The following HEXA variants were observed in gnomAD, a reference collection of about 807,000 sequenced individuals.
HEXA encodes beta-hexosaminidase subunit alpha.
HEXA carries 54 observed loss-of-function variants against 73.3 expected under a neutral mutation model. The ratio of observed to expected loss-of-function variants is 0.74; its 90% CI spans 0.59 to 0.92. The LOEUF is 0.92. HEXA is among the 40% of genes least tolerant of loss of function. The pLI is 0.00. For synonymous variants in HEXA, 230 were observed against 246.9 expected (o/e 0.93, Z 0.64); for missense variants, 649 against 653.0 (o/e 0.99, Z 0.07).
intron 1 of HEXA, chr15:72,370,078 C>A (rs1360935191): frequency 7.3e-6 from 1 of 137,266 alleles, no homozygotes; most frequent in African/African-American, 2.7e-5. Flanking sequence ...TCGGAAATGT[C>A]TGGAAGGCAG....
At chr15:72,356,808 C>T (rs1173354970) in intron 1 of HEXA, 191 bp from the exon 2 acceptor site, 1 of 787,386 alleles carries the variant, frequency 1.3e-6, no homozygotes, top group Non-Finnish European at 2.1e-6. Flanking sequence ...CCCCTCTTCT[C>T]CTCAGTAGCT....
At chr15:72,365,642 A>T (rs1043202860) in intron 1 of HEXA, among the ~76,000 whole-genome samples, 5 of 152,104 alleles carry the variant, frequency 3.3e-5, no homozygotes, top group Admixed American at 6.5e-5. Flanking sequence ...TTATCTTCAG[A>T]TCTTTAATCT....
At chr15:72,362,062 A>C (rs995152026) in intron 1 of HEXA, among the ~76,000 whole-genome samples, 8 of 152,232 alleles carry the variant, frequency 5.3e-5, no homozygotes, top group Non-Finnish European at 1.0e-4. Context: ...AATCATAAGA[A>C]AATGCCTTGT....
At chr15:72,356,803 C>A (rs1376674070) in intron 1 of HEXA, 186 bp from the exon 2 acceptor site, 12 of 830,966 alleles carry the variant, frequency 1.4e-5, no homozygotes, top group East Asian at 2.7e-5. Flanking sequence ...TTGTGCCCCT[C>A]TTCTCCTCAG....
intron 1 of HEXA, chr15:72,359,693 CAAAAAAAA>C (rs71133986): frequency 5.1e-4 from 9 of 17,572 alleles, no homozygotes; most frequent in African/African-American, 2.0e-3. Context: ...GAAACTGTCT[CAAAAAAAA>C]AAAAAAAAAA....
chr15:72,362,310 A>T (rs1323490231), intron 1 of HEXA: 1 of 340,320 alleles, frequency 2.9e-6, no homozygotes, highest in Non-Finnish European at 5.9e-6. Context: ...ATCATGCAGC[A>T]ATGTATACAT....
At chr15:72,367,608 G>T (rs1279813448) in intron 1 of HEXA, among the ~76,000 whole-genome samples, 1 of 152,140 alleles carries the variant, frequency 6.6e-6, no homozygotes, top group Non-Finnish European at 1.5e-5. Context: ...GACTTTACTG[G>T]CCTTCTTTGA....
At chr15:72,362,392 T>A in intron 1 of HEXA, 1 of 451,998 alleles carries the variant, frequency 2.2e-6, no homozygotes, top group South Asian at 1.6e-5. Flanking sequence ...TGTGAGTTCC[T>A]CAACAGGAGG....
chr15:72,349,215 A>G lies in HEXA; in HGVS notation c.850T>C (p.Ser284Pro). The G allele has an allele frequency of 6.2e-7, 1 of 1,614,172 alleles. No homozygotes were observed. Among genetic ancestry groups the G allele is most frequent in the Non-Finnish European group, 8.5e-7 (1 of 1,179,998 alleles). Residue 284 changes from serine (S) to proline (P), a missense_variant, in exon 8 of 14, where the codon TCT (serine) becomes CCT (proline). By Grantham distance (74) the Ser-to-Pro change is moderately conservative (BLOSUM62 -1). Transcript: ENST00000268097. Reference protein sequence around the residue: ...LTPCYSGSEPSGTFGPVNPSL... With the variant: ...LTPCYSGSEPPGTFGPVNPSL... ...GGATTCACTGGTCCAAAGGTGCCAG[A>G]GGGCTCAGACCCAGAGTAGCAAGGA...
intron 1 of HEXA, among the ~76,000 whole-genome samples, chr15:72,371,404 C>T (rs1452885819): frequency 6.6e-6 from 1 of 151,910 alleles, no homozygotes; most frequent in Non-Finnish European, 1.5e-5. Context: ...CCCAGGGGTT[C>T]GAGACCAGCT....
chr15:72,374,299 ACT>A (rs2089030361), intron 1 of HEXA, among the ~76,000 whole-genome samples: 1 of 151,938 alleles, frequency 6.6e-6, no homozygotes, highest in South Asian at 2.1e-4. Flanking sequence ...TGGGTAAGGC[ACT>A]CTATTATTTG....
At chr15:72,370,384 G>A in intron 1 of HEXA, 2 of 371,030 alleles carry the variant, frequency 5.4e-6, no homozygotes, top group South Asian at 1.5e-4. Context: ...ACTATACAGG[G>A]ATACTAGAAA....
At chr15:72,348,311 G>A (rs562031627) in intron 8 of HEXA, among the ~76,000 whole-genome samples, 177 bp from the exon 9 acceptor site, 171 of 152,290 alleles carry the variant, frequency 1.1e-3, no homozygotes, top group African/African-American at 3.9e-3. Flanking sequence ...TGAAGCAGGT[G>A]GGCTGTTGAC....
In HEXA at chr15:72,375,832, C is replaced by G; in HGVS notation, c.141G>C (p.Gln47His). 2 of 1,614,252 alleles carry G rather than the reference C, an allele frequency of 1.2e-6. No individual in the cohort carries two copies. The highest frequency in any genetic ancestry group is 2.2e-5 in the South Asian group (2 of 91,090). The change falls in exon 1 of 14, where the codon CAG becomes CAC. Residue 47 changes from glutamine to histidine, a missense_variant. Physicochemically the swap from Gln to His is conservative, Grantham distance 24 (BLOSUM62 0). Coordinates refer to ENST00000268097, the MANE Select transcript of HEXA (RefSeq NM_000520.6). ...YVLYPNNFQF[Q>H]YDVSSAAQPG... ...GCTGCGCGGCCGAGCTGACATCGTACTGGAATTGAAAGTTGTTCGGGTAAA... is the reference window on the plus strand; with the variant it reads ...GCTGCGCGGCCGAGCTGACATCGTAGTGGAATTGAAAGTTGTTCGGGTAAA...
rs2088933281 is a variant in HEXA at position 72,367,509 on chromosome 15, C to T, written c.253+8211G>A. Among the ~76,000 whole-genome samples the T allele has an allele frequency of 2.0e-5, 3 of 152,198 alleles. No individual in the cohort carries two copies. In the South Asian group the frequency reaches 6.2e-4, roughly 31 times the overall value. On this transcript the variant is annotated intron_variant, in intron 1 of 13. Transcript: ENST00000268097. ...TCTTATCTAGACCACTGTTGGCAGC[C>T]TTTTAACTGGGTTTCCTGCCTCTAA...
At chr15:72,345,193 T>C (rs2088593043) in intron 13 of HEXA, 3 of 540,550 alleles carry the variant, frequency 5.5e-6, no homozygotes, top group African/African-American at 1.9e-5. Context: ...TGATCTTAGA[T>C]TACTTATACC....
At chr15:72,365,878 C>T (rs554370486) in intron 1 of HEXA, among the ~76,000 whole-genome samples, 1 of 152,194 alleles carries the variant, frequency 6.6e-6, no homozygotes, top group South Asian at 2.1e-4. Context: ...CATGTCATAT[C>T]TCTACCATAT....
In HEXA at chr15:72,346,537, C is replaced by A; in HGVS notation, c.1320G>T (p.Leu440=). 1 of 1,613,918 alleles carries A rather than the reference C, an allele frequency of 6.2e-7. No individual in the cohort carries two copies. The highest frequency in any genetic ancestry group is 8.5e-7 in the Non-Finnish European group (1 of 1,179,856). The change falls in exon 11 of 14, where the codon CTG becomes CTT. Residue 440 remains leucine, a synonymous_variant. Coordinates refer to ENST00000268097, the MANE Select transcript of HEXA (RefSeq NM_000520.6). Reference sequence around the variant, plus strand: ...GCTCTCTGCTTTCACCTTCAAATGCCAGGGGTTCCACTATGTAGAAATCCT... The same window carrying A: ...GCTCTCTGCTTTCACCTTCAAATGCAAGGGGTTCCACTATGTAGAAATCCT... ...DWKDFYIVEP[L]AFEGTPEQKA...
chr15:72,371,610 AAAAG>A (rs2088994560), intron 1 of HEXA, among the ~76,000 whole-genome samples: 1 of 151,924 alleles, frequency 6.6e-6, no homozygotes, highest in Non-Finnish European at 1.5e-5. Flanking sequence ...AAAAAAAAAA[AAAAG>A]AAAACAAAAC....
Sources: allele counts gnomAD v4.1 joint callset (sites outside exome capture counted in the v4.1 genomes callset), GRCh38; gene constraint gnomAD v4.1.1; transcripts MANE v1.5; gene names NCBI Gene and HGNC (gene_info 2026-07-23, HGNC 2026-07-21).